Variants in UQCC6 observed in about 807,000 individuals in gnomAD.
UQCC6 encodes protein BRAWNIN.
chr12:103,955,626 G>C, the UQCC6 span: 2 of 407,152 alleles, frequency 4.9e-6, no homozygotes, highest in African/African-American at 4.2e-5. Context: ...AATGAGACCT[G>C]TCTAATTTTT....
At chr12:103,962,354 A>G in the UQCC6 span, among the ~76,000 whole-genome samples, 1 of 152,226 alleles carries the variant, frequency 6.6e-6, no homozygotes, top group Admixed American at 6.5e-5. Flanking sequence ...TTTAAAAAAT[A>G]TAACCCAGGG....
the UQCC6 span, chr12:103,956,195 T>C: frequency 7.9e-6 from 1 of 126,206 alleles, no homozygotes; most frequent in African/African-American, 3.3e-5. Flanking sequence ...CTTGAAGTTT[T>C]GAAGAAGGAA....
the UQCC6 span, among the ~76,000 whole-genome samples, chr12:103,960,227 C>T: frequency 1.3e-5 from 2 of 152,076 alleles, no homozygotes; most frequent in Non-Finnish European, 2.9e-5. Context: ...GGCGCCACCA[C>T]GCCTGGCTAA....
the UQCC6 span, among the ~76,000 whole-genome samples, chr12:103,959,418 T>A: frequency 6.6e-6 from 1 of 152,168 alleles, no homozygotes; most frequent in Non-Finnish European, 1.5e-5. Flanking sequence ...TTTAACTTTT[T>A]AAGAAATTGC....
chr12:103,954,101 A>T, the UQCC6 span, among the ~76,000 whole-genome samples: 1 of 152,254 alleles, frequency 6.6e-6, no homozygotes, highest in Non-Finnish European at 1.5e-5. Flanking sequence ...TGATCAAATA[A>T]TATGTCACAG....
At chr12:103,957,170 C>T in the UQCC6 span, 1 of 155,706 alleles carries the variant, frequency 6.4e-6, no homozygotes, top group Non-Finnish European at 1.4e-5. Context: ...GGCAACAGGT[C>T]TAAGGGCGGA....
At chr12:103,963,881 C>T in the UQCC6 span, among the ~76,000 whole-genome samples, 1 of 151,886 alleles carries the variant, frequency 6.6e-6, no homozygotes, top group Non-Finnish European at 1.5e-5. Flanking sequence ...GAGCAATGAA[C>T]AAAGACAAAT....
the UQCC6 span, among the ~76,000 whole-genome samples, chr12:103,961,839 C>T: frequency 3.3e-5 from 5 of 152,154 alleles, no homozygotes; most frequent in East Asian, 1.9e-4. Flanking sequence ...GGATTACAGG[C>T]GTGAGCCACC....
At chr12:103,950,985 G>A in the UQCC6 span, 1 of 152,350 alleles carries the variant, frequency 6.6e-6, no homozygotes, top group African/African-American at 2.4e-5. Context: ...TGGCTCTAAG[G>A]GACAGGTCTT....
chr12:103,956,447 A>G, the UQCC6 span: 357 of 560,392 alleles, frequency 6.4e-4, no homozygotes, highest in Non-Finnish European at 1.0e-3. Flanking sequence ...ATGCCATCCA[A>G]AGGTTTTGGG....
the UQCC6 span, among the ~76,000 whole-genome samples, chr12:103,964,987 G>T: frequency 1.3e-5 from 2 of 152,196 alleles, no homozygotes; most frequent in South Asian, 2.1e-4. Flanking sequence ...CACAGATCAC[G>T]TGAGTGAGAA....
the UQCC6 span, chr12:103,950,695 A>G: frequency 1.3e-5 from 2 of 152,224 alleles, no homozygotes; most frequent in African/African-American, 4.8e-5. Flanking sequence ...AATGTATCTT[A>G]TTGGAAGTCA....
the UQCC6 span, among the ~76,000 whole-genome samples, chr12:103,953,145 G>T: frequency 1.3e-5 from 2 of 152,168 alleles, no homozygotes; most frequent in Admixed American, 1.3e-4. Flanking sequence ...TAGACCACAG[G>T]AGAGCAAGAG....
At chr12:103,953,405 TA>T in the UQCC6 span, 1 of 702,238 alleles carries the variant, frequency 1.4e-6, no homozygotes, top group East Asian at 2.7e-5. Context: ...GCTGGACAAC[TA>T]AAAGCACCTG....
At chr12:103,961,250 C>T in the UQCC6 span, among the ~76,000 whole-genome samples, 2 of 151,694 alleles carry the variant, frequency 1.3e-5, no homozygotes, top group Non-Finnish European at 2.9e-5. Context: ...TATAGCTGTA[C>T]AATGTGTGTT....
the UQCC6 span, among the ~76,000 whole-genome samples, chr12:103,964,691 G>C: frequency 3.3e-5 from 5 of 152,222 alleles, no homozygotes; most frequent in African/African-American, 9.6e-5. Context: ...GCCACCTGCT[G>C]TAAGACTTTT....
chr12:103,955,548 T>TG, the UQCC6 span, among the ~76,000 whole-genome samples: 19 of 152,012 alleles, frequency 1.2e-4, no homozygotes, highest in African/African-American at 4.6e-4. Context: ...GCAGGAGGAC[T>TG]GATTGAACCC....
the UQCC6 span, among the ~76,000 whole-genome samples, chr12:103,964,169 T>G: frequency 2.3e-5 from 2 of 87,412 alleles, no homozygotes; most frequent in African/African-American, 8.9e-5. Context: ...TTTTTTTTTT[T>G]TGAGACGGAG....
the UQCC6 span, chr12:103,951,714 G>A: frequency 5.4e-6 from 4 of 742,966 alleles, no homozygotes; most frequent in Non-Finnish European, 8.7e-6. Flanking sequence ...ACTTTAAAGA[G>A]TAAAAAATAA....
Sources: gnomAD v4.1 joint callset for allele counts (sites outside exome capture counted in the v4.1 genomes callset) on GRCh38, gnomAD v4.1.1 for gene constraint, MANE v1.5 for transcripts, NCBI Gene and HGNC (gene_info 2026-07-23, HGNC 2026-07-21) for gene names.